The following STC1 variants were observed in gnomAD, a reference collection of about 807,000 sequenced individuals.
STC1 encodes stanniocalcin-1.
A neutral mutation model predicts 22.6 loss-of-function variants in STC1; 7 were observed. The ratio of observed to expected loss-of-function variants is 0.31; its 90% CI spans 0.18 to 0.58. STC1 has a LOEUF of 0.58. Ranked by LOEUF, STC1 falls within the 20% of genes least tolerant of loss-of-function variation. The probability of loss-of-function intolerance (pLI) is 0.89; values close to 1 mark genes in which losing one functional copy is unlikely to be tolerated. For synonymous variants in STC1, 113 were observed against 120.7 expected (o/e 0.94, Z 0.42); for missense variants, 224 against 311.0 (o/e 0.72, Z 2.10).
Position 23,844,708 on chromosome 8 carries a change from T to C in STC1, c.*62A>G. The C allele has an allele frequency of 6.4e-7, 1 of 1,573,582 alleles. No individual in the cohort carries two copies. The highest frequency in any genetic ancestry group is 8.7e-7 in the Non-Finnish European group (1 of 1,152,078). On this transcript the variant is annotated 3_prime_UTR_variant, in exon 4 of 4. Coordinates refer to ENST00000290271, the MANE Select transcript of STC1 (RefSeq NM_003155.3). ...AAACCAGGCACAGTACACTCAAAAC[T>C]GGTGTGTCAACACCCCTAAAATGAT... is the stretch of plus-strand genomic sequence containing the variant.
At position 23,842,104 on chromosome 8, in the gene STC1, C is replaced by T. The variant is rs1422673555; in HGVS notation, c.*2666G>A. ...CATGGAGCTTAAAAATGTAATTTAA[C>T]AATAAATAATGACATATACCAGATA... On this transcript the variant is annotated 3_prime_UTR_variant, in exon 4 of 4. Transcript: ENST00000290271. The T allele has an allele frequency of 6.6e-6, 1 of 152,554 alleles. No individual in the cohort carries two copies. 9.5% of individuals were successfully genotyped at this position (152,554 alleles called of 1,614,324 possible). A position where few individuals can be genotyped will look rare whatever the true frequency, so the allele number is the denominator to read the frequency against.
Position 23,844,417 on chromosome 8 carries a change from A to G in STC1, c.*353T>C. 1 of 304,406 alleles carries G rather than the reference A, an allele frequency of 3.3e-6. No homozygotes were observed. Among genetic ancestry groups the G allele is most frequent in the Non-Finnish European group, 6.2e-6 (1 of 160,390 alleles). 18.9% of individuals were successfully genotyped at this position (304,406 alleles called of 1,614,324 possible). On this transcript the variant is annotated 3_prime_UTR_variant, in exon 4 of 4. Coordinates refer to ENST00000290271, the MANE Select transcript of STC1 (RefSeq NM_003155.3). ...AACTCTACTGGGGCAACCGTTCTAA[A>G]GGGATCCACATCTTCAAATTACAAT...
intron 3 of STC1, among the ~76,000 whole-genome samples, chr8:23,849,333 G>A (rs979374157): frequency 1.3e-5 from 2 of 152,188 alleles, no homozygotes; most frequent in Non-Finnish European, 2.9e-5. Flanking sequence ...TCCTGAGCAG[G>A]AATAATATAG....
chr8:23,851,652 C>T (rs1001694906), intron 2 of STC1, 121 bp from the exon 3 acceptor site: 5 of 766,716 alleles, frequency 6.5e-6, no homozygotes, highest in Non-Finnish European at 1.1e-5. Flanking sequence ...TCTGCATATC[C>T]TTGCAATGAG....
chr8:23,851,651 C>A, intron 2 of STC1, 120 bp from the exon 3 acceptor site: 1 of 778,884 alleles, frequency 1.3e-6, no homozygotes, highest in Non-Finnish European at 2.1e-6. Flanking sequence ...ATCTGCATAT[C>A]CTTGCAATGA....
intron 3 of STC1, among the ~76,000 whole-genome samples, chr8:23,849,188 C>T (rs757943614): frequency 3.3e-5 from 5 of 152,206 alleles, no homozygotes; most frequent in Non-Finnish European, 4.4e-5. Flanking sequence ...CTTCCTCTTG[C>T]AATTCTGTGC....
Position 23,852,361 on chromosome 8 carries a change from T to G in STC1, c.142A>C (p.Ser48Arg). ...NSAEVVRCLN[S>R]ALQVGCGAFA... Reference sequence around the variant, plus strand: ...GCCCCGCAGCCGACCTGTAGAGCACTGTTGAGGCAACGAACCACTTCAGCT... The same window carrying G: ...GCCCCGCAGCCGACCTGTAGAGCACGGTTGAGGCAACGAACCACTTCAGCT... Residue 48 changes from serine to arginine, a missense_variant, in exon 2 of 4, where the codon AGT becomes CGT. Transcript: ENST00000290271. 1 of 1,606,778 alleles carries G rather than the reference T, an allele frequency of 6.2e-7. No individual in the cohort carries two copies. The highest frequency in any genetic ancestry group is 8.5e-7 in the Non-Finnish European group (1 of 1,177,086).
At chr8:23,851,689 GAA>G (rs3841664) in intron 2 of STC1, among the ~76,000 whole-genome samples, 158 bp from the exon 3 acceptor site, 3 of 139,046 alleles carry the variant, frequency 2.2e-5, no homozygotes, top group South Asian at 2.3e-4. Flanking sequence ...GCTAAGGATT[GAA>G]AAAAAAAAAA....
intron 3 of STC1, among the ~76,000 whole-genome samples, chr8:23,847,967 A>T (rs530804515): frequency 6.6e-6 from 1 of 152,342 alleles, no homozygotes; most frequent in East Asian, 1.9e-4. Flanking sequence ...GTAGAAATCA[A>T]ATAGCTTGGC....
chr8:23,851,248 C>T (rs1802634258), intron 3 of STC1, 72 bp downstream of exon 3: 3 of 1,471,812 alleles, frequency 2.0e-6, no homozygotes, highest in African/African-American at 1.4e-5. Context: ...AACCCTCCCT[C>T]CCAGTCTGGC....
intron 3 of STC1, among the ~76,000 whole-genome samples, chr8:23,846,205 A>AC: frequency 6.6e-6 from 1 of 151,846 alleles, no homozygotes; most frequent in Non-Finnish European, 1.5e-5. Flanking sequence ...TTCTTTAAAT[A>AC]CCCCCAAGCA....
chr8:23,854,211 C>G, intron 1 of STC1, 195 bp downstream of exon 1: 2 of 1,071,136 alleles, frequency 1.9e-6, no homozygotes, highest in Non-Finnish European at 2.6e-6. Flanking sequence ...CCAGCTTCTT[C>G]GTTTAGTTGC....
chr8:23,842,068 C>T lies in STC1; in HGVS notation c.*2702G>A, dbSNP rs963141065. 6.6e-6 allele frequency: 1 copy of T among 152,538 alleles called. No homozygotes were observed. The highest frequency in any genetic ancestry group is 2.4e-5 in the African/African-American group (1 of 41,404). The allele number at this position is 152,538 out of a possible 1,614,324, so 9.4% of individuals were successfully genotyped here. A position where few individuals can be genotyped will look rare whatever the true frequency, so the allele number is the denominator to read the frequency against. ...TCATTACCATGATATGTTTCATAAC[C>T]TTTATATGCACATGGAGCTTAAAAA... On this transcript the variant is annotated 3_prime_UTR_variant, in exon 4 of 4. Coordinates refer to ENST00000290271, the MANE Select transcript of STC1 (RefSeq NM_003155.3).
intron 3 of STC1, among the ~76,000 whole-genome samples, chr8:23,846,425 A>G (rs991273282): frequency 2.0e-5 from 3 of 152,154 alleles, no homozygotes; most frequent in African/African-American, 7.2e-5. Context: ...GACCTGCAGT[A>G]TTTACATGGA....
chr8:23,845,723 C>T (rs186137987), intron 3 of STC1, among the ~76,000 whole-genome samples: 72 of 152,266 alleles, frequency 4.7e-4, no homozygotes, highest in Non-Finnish European at 6.8e-4. Flanking sequence ...AGCCCTCCTT[C>T]AAAGGTATAT....
At chr8:23,851,067 G>A (rs983512011) in intron 3 of STC1, among the ~76,000 whole-genome samples, 8 of 152,016 alleles carry the variant, frequency 5.3e-5, no homozygotes, top group African/African-American at 1.9e-4. Context: ...ACCCAGGGAT[G>A]CTGCAGATGA....
intron 3 of STC1, among the ~76,000 whole-genome samples, chr8:23,846,465 T>C (rs1199393279): frequency 6.6e-6 from 1 of 152,184 alleles, no homozygotes; most frequent in African/African-American, 2.4e-5. Flanking sequence ...AGCCCAAGGA[T>C]CTCTGGGGCC....
At chr8:23,852,450 G>C in intron 1 of STC1, 66 bp from the exon 2 acceptor site, 1 of 1,506,564 alleles carries the variant, frequency 6.6e-7, no homozygotes, top group Non-Finnish European at 8.9e-7. Flanking sequence ...GATCAAGTGG[G>C]TGCAGAGGTG....
chr8:23,849,521 T>G (rs919928715), intron 3 of STC1, among the ~76,000 whole-genome samples: 1 of 152,168 alleles, frequency 6.6e-6, no homozygotes, highest in Non-Finnish European at 1.5e-5. Context: ...AGGCACTGAT[T>G]AGAAGAAATA....
Sources: allele counts gnomAD v4.1 joint callset (sites outside exome capture counted in the v4.1 genomes callset), GRCh38; gene constraint gnomAD v4.1.1; transcripts MANE v1.5; gene names NCBI Gene and HGNC (gene_info 2026-07-23, HGNC 2026-07-21).